The following ZBTB45 variants were observed in gnomAD, a reference collection of about 807,000 sequenced individuals.
The protein encoded by ZBTB45 is zinc finger and BTB domain-containing protein 45.
ZBTB45 carries 22 observed loss-of-function variants against 28.4 expected under a neutral mutation model. The ratio of observed to expected loss-of-function variants is 0.77; its 90% confidence interval spans 0.55 to 1.10. ZBTB45 has a LOEUF of 1.10. ZBTB45 is among the 50% of genes least tolerant of loss of function. The pLI is 0.00. For synonymous variants in ZBTB45, 361 were observed against 332.3 expected, an observed-to-expected ratio of 1.09 and a Z score of -0.94; for missense variants, 656 against 750.2, an observed-to-expected ratio of 0.87 and a Z score of 1.47.
intron 1 of ZBTB45, among the ~76,000 whole-genome samples, chr19:58,529,539 C>T (rs1440421098): frequency 6.6e-6 from 1 of 152,170 alleles, no homozygotes; most frequent in Non-Finnish European, 1.5e-5. Context: ...AAAATAAAAA[C>T]TTTTCTCCCC....
chr19:58,523,812 A>C, upstream of ZBTB45, among the ~76,000 whole-genome samples: 1 of 127,996 alleles, frequency 7.8e-6, no homozygotes, highest in Non-Finnish European at 1.7e-5. Flanking sequence ...CTGGGACTAC[A>C]GGCGCCCGCC....
chr19:58,524,353 A>T (rs1477026225), upstream of ZBTB45, among the ~76,000 whole-genome samples: 1 of 150,506 alleles, frequency 6.6e-6, no homozygotes, highest in African/African-American at 2.4e-5. Context: ...CGACAAGAGC[A>T]AGACTCCGTC....
chr19:58,531,207 C>T (rs1600070153), intron 1 of ZBTB45, among the ~76,000 whole-genome samples: 2 of 152,254 alleles, frequency 1.3e-5, no homozygotes, highest in East Asian at 1.9e-4. Flanking sequence ...TATTTCATTG[C>T]GGTTTGATTT....
intron 1 of ZBTB45, among the ~76,000 whole-genome samples, chr19:58,526,169 G>C (rs1215688924): frequency 6.6e-6 from 1 of 152,096 alleles, no homozygotes; most frequent in Admixed American, 6.5e-5. Flanking sequence ...ACCTCCCAAA[G>C]TGCTGGGGTT....
At chr19:58,514,332 G>A (rs1568638906) in intron 2 of ZBTB45, 22 bp from the exon 3 acceptor site, 1 of 1,581,666 alleles carries the variant, frequency 6.3e-7, no homozygotes. Flanking sequence ...AGGGCGGGCC[G>A]CGAACGCAAG....
rs533598056 is a variant in ZBTB45, at chr19:58,536,422, C to T, written c.-1+2279G>A. 9.5e-3 allele frequency among the ~76,000 whole-genome samples: 1,426 copies of T among 150,080 alleles called. 27 individuals carry two copies. Among genetic ancestry groups the T allele is most frequent in the African/African-American group, 0.032 (1,310 of 40,710 alleles). On this transcript the variant is annotated intron_variant, in intron 1 of 1. Coordinates refer to the ZBTB45 transcript ENST00000600130. ...CGGAGTTTGCAGTGAGCCAAGATCG[C>T]GCCACTGCACTCCAGCCTGGGCGAC...
chr19:58,530,209 G>GCACACACACACACACA (rs111340524), intron 1 of ZBTB45, among the ~76,000 whole-genome samples: 31 of 148,616 alleles, frequency 2.1e-4, no homozygotes, highest in African/African-American at 4.9e-4. Flanking sequence ...GAGAGCGCAT[G>GCACACACACACACACA]CACACACACA....
At chr19:58,525,552 G>A (rs1600067411) in intron 1 of ZBTB45, among the ~76,000 whole-genome samples, 1 of 152,166 alleles carries the variant, frequency 6.6e-6, no homozygotes, top group African/African-American at 2.4e-5. Flanking sequence ...CTCTGAGGCT[G>A]CAGCTTAGAG....
intron 2 of ZBTB45, 143 bp from the exon 3 acceptor site, chr19:58,514,453 T>C (rs1359523039): frequency 2.8e-6 from 3 of 1,060,674 alleles, no homozygotes; most frequent in Non-Finnish European, 4.0e-6. Context: ...CCCTTGCCTA[T>C]CAGAGAACCC....
chr19:58,532,367 G>A (rs1032535177), intron 1 of ZBTB45, among the ~76,000 whole-genome samples: 5 of 152,118 alleles, frequency 3.3e-5, no homozygotes, highest in African/African-American at 9.7e-5. Context: ...AACATGAATC[G>A]TAAGAGAGAG....
chr19:58,534,254 TC>T (rs1038904338), intron 1 of ZBTB45, among the ~76,000 whole-genome samples: 8 of 152,192 alleles, frequency 5.3e-5, no homozygotes, highest in African/African-American at 1.7e-4. Flanking sequence ...TTACAGGGAT[TC>T]CTTTTGGAGT....
chr19:58,516,170 C>G lies in ZBTB45; in HGVS notation c.1279+225G>C, dbSNP rs562080733. The stretch of plus-strand genomic sequence containing the variant: ...CAGGACAGGCTCCTGCTTCCCTACC[C>G]AGCCTCAGGATCCCCCTCCACAGAA... On this transcript the variant is annotated intron_variant, in intron 2 of 2. Coordinates refer to ENST00000594051, the MANE Select transcript of ZBTB45 (RefSeq NM_001316979.2). This position sits in a 1 kb window ranked among gnomAD's most constrained non-coding sequence, Gnocchi z 6.2. Among the ~76,000 whole-genome samples, 1 of 152,272 alleles carries G rather than the reference C, an allele frequency of 6.6e-6. No homozygotes were observed. Among genetic ancestry groups the G allele is most frequent in the East Asian group, 1.9e-4 (1 of 5,176 alleles).
At chr19:58,524,973 A>T (rs1035648483) in intron 1 of ZBTB45, among the ~76,000 whole-genome samples, 2 of 152,154 alleles carry the variant, frequency 1.3e-5, no homozygotes, top group Admixed American at 6.5e-5. Flanking sequence ...GTGAGAGCAC[A>T]GTGACCACAG....
intron 1 of ZBTB45, among the ~76,000 whole-genome samples, chr19:58,532,990 A>G (rs2053642513): frequency 6.6e-6 from 1 of 151,862 alleles, no homozygotes; most frequent in African/African-American, 2.4e-5. Flanking sequence ...ATGTGCCACC[A>G]TGCCTGGCTA....
At chr19:58,521,227 C>A (rs2053575676), upstream of ZBTB45, among the ~76,000 whole-genome samples, 2 of 149,972 alleles carry the variant, frequency 1.3e-5, no homozygotes. Flanking sequence ...ATTAGCCGAG[C>A]GCGGTGGCAG....
intron 1 of ZBTB45, among the ~76,000 whole-genome samples, chr19:58,533,732 T>C (rs984877988): frequency 5.3e-5 from 8 of 152,148 alleles, no homozygotes; most frequent in Non-Finnish European, 1.0e-4. Flanking sequence ...GGGAATCAGA[T>C]CATGCCACCT....
upstream of ZBTB45, among the ~76,000 whole-genome samples, chr19:58,522,174 T>C (rs76305977): frequency 2.0e-5 from 3 of 151,268 alleles, no homozygotes; most frequent in Non-Finnish European, 4.4e-5. Flanking sequence ...TTTTTTTTTT[T>C]TTCTGAGACA....
At chr19:58,536,629 C>T (rs1240848490) in intron 1 of ZBTB45, among the ~76,000 whole-genome samples, 1 of 151,554 alleles carries the variant, frequency 6.6e-6, no homozygotes, top group Non-Finnish European at 1.5e-5. Context: ...GGTGACAGAA[C>T]GAGACTCCAT....
intron 1 of ZBTB45, among the ~76,000 whole-genome samples, chr19:58,529,386 G>A (rs189957958): frequency 3.9e-4 from 59 of 152,266 alleles, no homozygotes; most frequent in African/African-American, 5.5e-4. Flanking sequence ...AAGCAGGATC[G>A]TACCACCGCA....
Sources: gnomAD v4.1 joint callset for allele counts (sites outside exome capture counted in the v4.1 genomes callset) on GRCh38, gnomAD v4.1.1 for gene constraint, Gnocchi (gnomAD v3.1) non-coding constraint, MANE v1.5 for transcripts, NCBI Gene and HGNC (gene_info 2026-07-23, HGNC 2026-07-21) for gene names.